The following MCTP2 variants were observed in gnomAD, a reference collection of about 807,000 sequenced individuals.
The protein encoded by MCTP2 is multiple C2 and transmembrane domain containing 2, also known as multiple C2 and transmembrane domain-containing protein 2.
A neutral mutation model predicts 111.6 loss-of-function variants in MCTP2; 132 were observed. The ratio of observed to expected loss-of-function variants is 1.18; its 90% CI spans 1.03 to 1.37. MCTP2 has a LOEUF of 1.37. Ranked by LOEUF, MCTP2 falls within the 40% of genes most tolerant of loss-of-function variation. The probability of loss-of-function intolerance (pLI) is 0.00; values close to 1 mark genes in which losing one functional copy is unlikely to be tolerated. For synonymous variants in MCTP2, 395 were observed against 387.7 expected (o/e 1.02, Z -0.22); for missense variants, 1,183 against 1,067.9 (o/e 1.11, Z -1.50).
chr15:94,356,229 G>A lies in MCTP2; in HGVS notation c.1098G>A (p.Lys366=), dbSNP rs1319694840. The change falls in exon 9 of 23, where the codon AAG becomes AAA. Residue 366 remains lysine (K), a synonymous_variant. Coordinates refer to ENST00000357742, the MANE Select transcript of MCTP2 (RefSeq NM_001385001.1). ...GIISITLLEG[K]NVSGGSMTEM... ...TAAGTATAACTTTGTTGGAAGGGAAGAATGTCTCAGGAGGAAGCATGACAG... is the reference window on the plus strand; with the variant it reads ...TAAGTATAACTTTGTTGGAAGGGAAAAATGTCTCAGGAGGAAGCATGACAG... 6.2e-7 allele frequency: 1 copy of A among 1,613,512 alleles called. No individual in the cohort carries two copies. Among genetic ancestry groups the A allele is most frequent in the East Asian group, 2.2e-5 (1 of 44,832 alleles).
At chr15:94,464,110 T>C (rs1263888856) in intron 20 of MCTP2, among the ~76,000 whole-genome samples, 3 of 150,482 alleles carry the variant, frequency 2.0e-5, no homozygotes, top group African/African-American at 4.9e-5. Context: ...GTCTTTTTTC[T>C]GGAAAAGTTT....
At chr15:94,318,741 T>C (rs760386429) in intron 4 of MCTP2, among the ~76,000 whole-genome samples, 1 of 152,176 alleles carries the variant, frequency 6.6e-6, no homozygotes, top group Non-Finnish European at 1.5e-5. Context: ...TCCGAGTAGA[T>C]GGTCAGTACA....
At chr15:94,294,036 A>G (rs893008678) in intron 1 of MCTP2, among the ~76,000 whole-genome samples, 6 of 152,208 alleles carry the variant, frequency 3.9e-5, no homozygotes, top group African/African-American at 1.4e-4. Context: ...GTCAGCAACA[A>G]AAAGTTCAAC....
chr15:94,448,753 T>C (rs1240495660), intron 19 of MCTP2, among the ~76,000 whole-genome samples: 1 of 152,226 alleles, frequency 6.6e-6, no homozygotes, highest in East Asian at 1.9e-4. Context: ...GTAGAAGACA[T>C]TGGACATTGC....
At chr15:94,368,457 A>T (rs1302646370) in intron 11 of MCTP2, among the ~76,000 whole-genome samples, 2 of 152,166 alleles carry the variant, frequency 1.3e-5, no homozygotes, top group Non-Finnish European at 2.9e-5. Flanking sequence ...TGTTTATTTT[A>T]GTGCCACACA....
intron 1 of MCTP2, among the ~76,000 whole-genome samples, chr15:94,256,899 A>G (rs544213367): frequency 6.6e-6 from 1 of 152,192 alleles, no homozygotes; most frequent in Admixed American, 6.5e-5. Context: ...CATATTCCAC[A>G]CAGCAGACAC....
chr15:94,322,293 GT>G (rs2076666671), intron 4 of MCTP2, among the ~76,000 whole-genome samples: 3 of 132,222 alleles, frequency 2.3e-5, no homozygotes, highest in Admixed American at 7.9e-5. Context: ...CACAGCCCCT[GT>G]TTTTGAATTT....
At chr15:94,421,046 C>T (rs2082605229) in intron 17 of MCTP2, among the ~76,000 whole-genome samples, 1 of 152,050 alleles carries the variant, frequency 6.6e-6, no homozygotes, top group Non-Finnish European at 1.5e-5. Context: ...GAGGCAAAAC[C>T]CTCCACCAGC....
chr15:94,385,750 A>G (rs2080428931), intron 14 of MCTP2, among the ~76,000 whole-genome samples: 2 of 152,224 alleles, frequency 1.3e-5, no homozygotes, highest in Admixed American at 1.3e-4. Context: ...GTAACCAACC[A>G]AAACATTTTG....
chr15:94,356,344 T>A, intron 9 of MCTP2, 43 bp downstream of exon 9: 1 of 1,418,914 alleles, frequency 7.0e-7, no homozygotes, highest in Non-Finnish European at 9.3e-7. Context: ...ATCTTTAAAA[T>A]AAAAAAAAAT....
intron 14 of MCTP2, among the ~76,000 whole-genome samples, chr15:94,397,998 T>A (rs542111836): frequency 6.6e-6 from 1 of 152,214 alleles, no homozygotes; most frequent in East Asian, 1.9e-4. Context: ...AAGAGAATGA[T>A]GAAATCAAGC....
chr15:94,292,910 T>C (rs1339118972), intron 1 of MCTP2: 1 of 152,224 alleles, frequency 6.6e-6, no homozygotes, highest in Admixed American at 6.5e-5. Context: ...TGAGTCAAGG[T>C]TATCTACTAC....
chr15:94,391,942 G>C lies in MCTP2; in HGVS notation c.1788+6417G>C, dbSNP rs139757977. Among the ~76,000 whole-genome samples the C allele has an allele frequency of 1.0e-3, 159 of 152,270 alleles. 1 individual carries two copies. In the East Asian group the frequency reaches 0.024, roughly 23 times the overall value. On this transcript the variant is annotated intron_variant, in intron 14 of 22. Transcript: ENST00000357742. The stretch of plus-strand genomic sequence containing the variant: ...TGGATTCAAAGAGTAAAATCTAATT[G>C]CTGCTTCTTTGAGACACCTAAAACA...
chr15:94,244,276 A>ATATATACACATACATATGTGTATATATT (rs1567258191), intron 1 of MCTP2, among the ~76,000 whole-genome samples: 62 of 132,624 alleles, frequency 4.7e-4, no homozygotes, highest in Admixed American at 1.2e-3. Flanking sequence ...ATATACACAC[A>ATATATACACATACATATGTGTATATATT]TATATACACA....
chr15:94,247,733 A>G (rs1239954859), intron 1 of MCTP2, among the ~76,000 whole-genome samples: 2 of 152,200 alleles, frequency 1.3e-5, no homozygotes, highest in Non-Finnish European at 2.9e-5. Context: ...AGAGCAATAA[A>G]TATGTATTAC....
intron 8 of MCTP2, among the ~76,000 whole-genome samples, chr15:94,347,675 A>G (rs2078056778): frequency 6.6e-6 from 1 of 152,232 alleles, no homozygotes; most frequent in Non-Finnish European, 1.5e-5. Flanking sequence ...TATTTACTAT[A>G]TACAATCTTT....
intron 20 of MCTP2, among the ~76,000 whole-genome samples, chr15:94,467,545 G>A (rs1287745149): frequency 5.3e-5 from 8 of 152,174 alleles, no homozygotes; most frequent in African/African-American, 1.7e-4. Context: ...GGTTGTGTGA[G>A]TGTTTTTAGT....
intron 8 of MCTP2, among the ~76,000 whole-genome samples, chr15:94,354,195 C>T (rs915565325): frequency 1.3e-5 from 2 of 152,190 alleles, no homozygotes; most frequent in Non-Finnish European, 2.9e-5. Flanking sequence ...ATTCTTTCCT[C>T]ATTTGCCCCT....
chr15:94,236,953 T>TGA (rs1160394749), intron 1 of MCTP2, among the ~76,000 whole-genome samples: 1 of 151,714 alleles, frequency 6.6e-6, no homozygotes, highest in African/African-American at 2.4e-5. Flanking sequence ...AGGTGGGTGA[T>TGA]GAGAGAGAGG....
Sources: allele counts gnomAD v4.1 joint callset (sites outside exome capture counted in the v4.1 genomes callset), GRCh38; gene constraint gnomAD v4.1.1; transcripts MANE v1.5; gene names NCBI Gene and HGNC (gene_info 2026-07-23, HGNC 2026-07-21).